EPB41L4A: variants seen among roughly 807,000 people sequenced by gnomAD.
EPB41L4A encodes erythrocyte membrane protein band 4.1 like 4A.
EPB41L4A carries 100 observed loss-of-function variants against 108.6 expected under a neutral mutation model. The observed-to-expected ratio is 0.92, with a 90% CI of 0.78 to 1.09. EPB41L4A has a LOEUF of 1.09. EPB41L4A is among the 50% of genes least tolerant of loss of function. The pLI is 0.00. For synonymous variants in EPB41L4A, 319 were observed against 289.0 expected (o/e 1.10, Z -1.05); for missense variants, 1,030 against 842.7 (o/e 1.22, Z -2.75).
At chr5:112,404,383 A>G (rs72783624) in intron 1 of EPB41L4A, among the ~76,000 whole-genome samples, 1,735 of 152,338 alleles carry the variant, frequency 0.011, 18 homozygotes, top group Non-Finnish European at 0.017. Context: ...GCCAACAGTG[A>G]GTAAATGATG....
chr5:112,221,178 T>C (rs1339203112), intron 12 of EPB41L4A, among the ~76,000 whole-genome samples: 1 of 152,314 alleles, frequency 6.6e-6, no homozygotes, highest in East Asian at 1.9e-4. Flanking sequence ...GCCTGAAATC[T>C]ACTGCCTTAA....
rs1215074098 is a variant in EPB41L4A, at chr5:112,275,341, T to A, written c.320A>T (p.Lys107Ile). ...AATACTATACCTGGTTATTTCTTCT[T>A]TAAGTTTACATGGATCTTCAGCATA... The part of the protein sequence containing the change: ...KFYAEDPCKL[K>I]EEITRYQFFL... Residue 107 changes from lysine (K) to isoleucine (I), a missense_variant, in exon 4 of 23, where the codon AAA becomes ATA. By Grantham distance (102) the Lys-to-Ile change is moderately radical (BLOSUM62 -3). Coordinates refer to ENST00000261486, the MANE Select transcript of EPB41L4A (RefSeq NM_022140.5). 2 of 1,554,224 alleles carry A rather than the reference T, an allele frequency of 1.3e-6. No homozygotes were observed. The highest frequency in any genetic ancestry group is 2.3e-5 in the South Asian group (2 of 85,226).
intron 12 of EPB41L4A, among the ~76,000 whole-genome samples, chr5:112,233,910 C>T (rs1320895139): frequency 2.0e-5 from 3 of 152,132 alleles, no homozygotes; most frequent in Middle Eastern, 3.4e-3. Context: ...CTCACTGTAA[C>T]CCTGAATTCC....
chr5:112,313,330 G>A (rs536882376), intron 1 of EPB41L4A, among the ~76,000 whole-genome samples: 4 of 152,316 alleles, frequency 2.6e-5, no homozygotes, highest in Admixed American at 6.5e-5. Flanking sequence ...GGTGGCTCAC[G>A]CCTGTAATCC....
At chr5:112,358,548 G>A (rs1169894224) in intron 1 of EPB41L4A, among the ~76,000 whole-genome samples, 2 of 152,172 alleles carry the variant, frequency 1.3e-5, no homozygotes, top group African/African-American at 4.8e-5. Flanking sequence ...TTAACAGCTG[G>A]ATGATACTGA....
intron 1 of EPB41L4A, among the ~76,000 whole-genome samples, chr5:112,357,269 C>G (rs373583): frequency 0.87 from 132,928 of 152,236 alleles, 58,157 homozygotes; most frequent in South Asian, 0.96. Flanking sequence ...CCTGATTAAA[C>G]GATTTCAAAT....
At chr5:112,275,931 C>G (rs1384839057) in intron 3 of EPB41L4A, among the ~76,000 whole-genome samples, 1 of 152,096 alleles carries the variant, frequency 6.6e-6, no homozygotes, top group Non-Finnish European at 1.5e-5. Context: ...GACCAACTAT[C>G]TAAATTTCCG....
chr5:112,361,434 T>A (rs1388141312), intron 1 of EPB41L4A, among the ~76,000 whole-genome samples: 1 of 151,754 alleles, frequency 6.6e-6, no homozygotes, highest in Non-Finnish European at 1.5e-5. Flanking sequence ...TGTTCACATG[T>A]TTATCTGCTG....
intron 20 of EPB41L4A, 59 bp downstream of exon 20, chr5:112,170,239 TAGA>T: frequency 6.7e-7 from 1 of 1,484,480 alleles, no homozygotes; most frequent in Non-Finnish European, 9.4e-7. Context: ...ATTGAAGAAT[TAGA>T]ATGGATTACT....
At chr5:112,226,611 T>C (rs1181412614) in intron 12 of EPB41L4A, among the ~76,000 whole-genome samples, 1 of 152,106 alleles carries the variant, frequency 6.6e-6, no homozygotes, top group Non-Finnish European at 1.5e-5. Context: ...TTCTTTCCAA[T>C]TCATAGTCAT....
At chr5:112,309,686 T>C (rs1754921544) in intron 1 of EPB41L4A, among the ~76,000 whole-genome samples, 1 of 152,172 alleles carries the variant, frequency 6.6e-6, no homozygotes, top group Admixed American at 6.5e-5. Flanking sequence ...TTATGCTATA[T>C]GGCACAGTTG....
At chr5:112,285,814 T>A (rs1480287130) in intron 2 of EPB41L4A, among the ~76,000 whole-genome samples, 1 of 152,192 alleles carries the variant, frequency 6.6e-6, no homozygotes, top group East Asian at 1.9e-4. Context: ...ATGTTTGCAA[T>A]GTGACAGGCA....
chr5:112,271,299 T>G (rs1408900071), intron 4 of EPB41L4A, among the ~76,000 whole-genome samples: 9 of 152,200 alleles, frequency 5.9e-5, no homozygotes, highest in African/African-American at 1.7e-4. Context: ...GCTGGTCTTT[T>G]CCAAATGTTT....
chr5:112,213,435 G>A lies in EPB41L4A; in HGVS notation c.1088-3453C>T, dbSNP rs573811650. 3.3e-5 allele frequency among the ~76,000 whole-genome samples: 5 copies of A among 150,976 alleles called. No individual in the cohort carries two copies. The East Asian group carries it at 9.8e-4, about 29-fold the overall frequency. On this transcript the variant is annotated intron_variant, in intron 12 of 22. Transcript: ENST00000261486. ...ACGATCTCAGCTCACTGCAACCTCTGCCTCCTGGGTTCAAGTGATTCCCTT... is the reference window on the plus strand; with the variant it reads ...ACGATCTCAGCTCACTGCAACCTCTACCTCCTGGGTTCAAGTGATTCCCTT...
chr5:112,205,721 T>C (rs79827251), intron 13 of EPB41L4A, among the ~76,000 whole-genome samples: 58 of 152,272 alleles, frequency 3.8e-4, no homozygotes, highest in African/African-American at 1.2e-3. Flanking sequence ...TTCTTTCTAG[T>C]TTTACTGCTT....
At chr5:112,184,530 C>T (rs1761328396) in intron 17 of EPB41L4A, among the ~76,000 whole-genome samples, 1 of 152,170 alleles carries the variant, frequency 6.6e-6, no homozygotes. Flanking sequence ...AATAGTTTTA[C>T]TTTGAAATAC....
At chr5:112,307,360 A>T (rs1459573689) in intron 2 of EPB41L4A, 26 bp downstream of exon 2, 1 of 1,506,416 alleles carries the variant, frequency 6.6e-7, no homozygotes, top group Admixed American at 1.7e-5. Flanking sequence ...AACCAGAAAA[A>T]TTTAACACAA....
intron 15 of EPB41L4A, among the ~76,000 whole-genome samples, chr5:112,198,817 T>C (rs988304615): frequency 1.3e-5 from 2 of 151,994 alleles, no homozygotes; most frequent in Non-Finnish European, 1.5e-5. Context: ...TTTGTATTGA[T>C]AGAAATTCAT....
intron 12 of EPB41L4A, among the ~76,000 whole-genome samples, chr5:112,210,898 G>A (rs1762706698): frequency 1.3e-5 from 2 of 151,708 alleles, no homozygotes; most frequent in Non-Finnish European, 2.9e-5. Context: ...ACTCCTGCAG[G>A]GGTAATAGTT....
Sources: allele counts gnomAD v4.1 joint callset (sites outside exome capture counted in the v4.1 genomes callset), GRCh38; gene constraint gnomAD v4.1.1; transcripts MANE v1.5; gene names NCBI Gene and HGNC (gene_info 2026-07-23, HGNC 2026-07-21).